The following WAC variants were observed in gnomAD, a reference collection of about 807,000 sequenced individuals.
WAC encodes the protein WW domain containing adaptor with coiled-coil.
In WAC, 11 loss-of-function variants were observed where a neutral mutation model predicts 79.6. The ratio of observed to expected loss-of-function variants is 0.14; its 90% confidence interval spans 0.09 to 0.23. The LOEUF is 0.23. WAC is among the 10% of genes least tolerant of loss of function. The pLI, the probability that WAC is intolerant of heterozygous loss-of-function variation, is 1.00. For missense variants in WAC, 728 were observed against 773.5 expected, an observed-to-expected ratio of 0.94 and a Z score of 0.70; for synonymous variants, 304 against 276.9, an observed-to-expected ratio of 1.10 and a Z score of -0.97.
In WAC at chr10:28,621,496, TGAA is replaced by T. The variant is rs1433156823; in HGVS notation, c.*1893_*1895del. ...GTGTAATTAAAAGGAATTAAAATCTTGAAGATATTTTCCTGTAATTTAAGGATA... is the reference window on the plus strand; with the variant it reads ...GTGTAATTAAAAGGAATTAAAATCTTGATATTTTCCTGTAATTTAAGGATA... On this transcript the variant is annotated 3_prime_UTR_variant, in exon 14 of 14. Transcript: ENST00000354911. 1 of 152,212 alleles carries T rather than the reference TGAA, an allele frequency of 6.6e-6. No homozygotes were observed. The highest frequency in any genetic ancestry group is 1.5e-5 in the Non-Finnish European group (1 of 68,034). 9.4% of individuals were successfully genotyped at this position (152,212 alleles called of 1,614,324 possible). A position where few individuals can be genotyped will look rare whatever the true frequency, so the allele number is the denominator to read the frequency against.
intron 3 of WAC, among the ~76,000 whole-genome samples, chr10:28,577,203 T>C (rs1466615219): frequency 6.6e-6 from 1 of 152,216 alleles, no homozygotes; most frequent in East Asian, 1.9e-4. Flanking sequence ...CAGAATGATA[T>C]TATTATAAAC....
intron 1 of WAC, 89 bp downstream of exon 1, chr10:28,533,709 C>T: frequency 7.4e-7 from 1 of 1,352,078 alleles, no homozygotes; most frequent in Non-Finnish European, 1.0e-6. Context: ...GCCGGGCCGC[C>T]ATTTTTGTTG....
intron 7 of WAC, among the ~76,000 whole-genome samples, chr10:28,603,963 A>G (rs1165353621): frequency 0.053 from 559 of 10,450 alleles, 97 homozygotes; most frequent in African/African-American, 0.13. Context: ...GTATGTATGT[A>G]TATATATATA....
At chr10:28,547,579 C>T (rs889252227) in intron 3 of WAC, among the ~76,000 whole-genome samples, 2 of 150,748 alleles carry the variant, frequency 1.3e-5, no homozygotes, top group African/African-American at 2.4e-5. Context: ...GAATCGTAAT[C>T]TAAGACTTTG....
rs1221846477 is a variant in WAC, at chr10:28,620,199, A to G, written c.*593A>G. Reference sequence around the variant, plus strand: ...CCCGTGTGTTTCCATTTCCTTCTGAAATTCTGATTTTATCCATTTTTTTAA... The same window carrying G: ...CCCGTGTGTTTCCATTTCCTTCTGAGATTCTGATTTTATCCATTTTTTTAA... On this transcript the variant is annotated 3_prime_UTR_variant, in exon 14 of 14. Transcript: ENST00000354911. 2 of 152,556 alleles carry G rather than the reference A, an allele frequency of 1.3e-5. No homozygotes were observed. The highest frequency in any genetic ancestry group is 1.5e-5 in the Non-Finnish European group (1 of 68,018). The allele number at this position is 152,556 out of a possible 1,614,324, so 9.5% of individuals were successfully genotyped here. A position where few individuals can be genotyped will look rare whatever the true frequency, so the allele number is the denominator to read the frequency against.
At chr10:28,580,076 T>G (rs1466049541) in intron 3 of WAC, among the ~76,000 whole-genome samples, 1 of 152,256 alleles carries the variant, frequency 6.6e-6, no homozygotes, top group Non-Finnish European at 1.5e-5. Context: ...CCATAGAATG[T>G]GGAATCTGGT....
chr10:28,597,382 C>A (rs1160417656), intron 7 of WAC, among the ~76,000 whole-genome samples: 3 of 152,156 alleles, frequency 2.0e-5, no homozygotes, highest in African/African-American at 4.8e-5. Flanking sequence ...TTTACTTTAA[C>A]AATCCTTGTC....
intron 1 of WAC, 121 bp from the exon 2 acceptor site, chr10:28,533,877 C>T (rs938253449): frequency 3.4e-5 from 44 of 1,276,712 alleles, no homozygotes; most frequent in Admixed American, 4.5e-5. Context: ...GTGCGGGGCT[C>T]GGCGCTGGGG....
In WAC at chr10:28,590,703, T is replaced by C; in HGVS notation, c.498-17T>C. 6.7e-7 allele frequency: 1 copy of C among 1,489,130 alleles called. No individual in the cohort carries two copies. The highest frequency in any genetic ancestry group is 1.3e-5 in the South Asian group (1 of 77,960). The allele number at this position is 1,489,130 out of a possible 1,614,324, so 92.2% of individuals were successfully genotyped here. On this transcript the variant is annotated splice_polypyrimidine_tract_variant and intron_variant, in intron 5 of 13. Coordinates refer to ENST00000354911, the MANE Select transcript of WAC (RefSeq NM_016628.5). ...TTAATGTAATTTTTATATGTTTATC[T>C]TTTTTTTTATTTTTAGAGAACAGAG... is the stretch of plus-strand genomic sequence containing the variant.
chr10:28,586,552 G>GGT (rs1241733350), intron 4 of WAC, among the ~76,000 whole-genome samples: 3 of 152,088 alleles, frequency 2.0e-5, no homozygotes, highest in Non-Finnish European at 4.4e-5. Context: ...TAAGTGTGGT[G>GGT]GTGTGTTCCT....
intron 3 of WAC, among the ~76,000 whole-genome samples, chr10:28,566,250 ATTGTGTGTGCACGT>A (rs1448369234): frequency 1.3e-5 from 2 of 152,102 alleles, no homozygotes; most frequent in African/African-American, 4.8e-5. Flanking sequence ...TTAAGTGAGT[ATTGTGTGTGCACGT>A]GTGTGTGTGC....
intron 3 of WAC, among the ~76,000 whole-genome samples, chr10:28,540,725 T>A (rs1836963343): frequency 6.6e-6 from 1 of 152,204 alleles, no homozygotes; most frequent in Admixed American, 6.5e-5. Context: ...ATGACCTTTT[T>A]TCATTGATTT....
At chr10:28,548,114 G>A (rs571812490) in intron 3 of WAC, among the ~76,000 whole-genome samples, 1 of 151,542 alleles carries the variant, frequency 6.6e-6, no homozygotes, top group African/African-American at 2.4e-5. Flanking sequence ...GTAGAAACAG[G>A]GTTTTACCAT....
At chr10:28,572,271 A>T (rs1669967363) in intron 3 of WAC, among the ~76,000 whole-genome samples, 1 of 145,662 alleles carries the variant, frequency 6.9e-6, no homozygotes, top group African/African-American at 2.6e-5. Context: ...TGGGCAGCAG[A>T]TTTTGCAGTG....
intron 7 of WAC, among the ~76,000 whole-genome samples, chr10:28,605,731 G>A (rs1840909167): frequency 6.6e-6 from 1 of 151,944 alleles, no homozygotes; most frequent in Non-Finnish European, 1.5e-5. Flanking sequence ...AAGCCCTTCT[G>A]CTAATTTTCA....
rs1394663590 is a variant in WAC, at chr10:28,620,874, A to C, written c.*1268A>C. 1 of 152,226 alleles carries C rather than the reference A, an allele frequency of 6.6e-6. No homozygotes were observed. Among genetic ancestry groups the C allele is most frequent in the Non-Finnish European group, 1.5e-5 (1 of 68,040 alleles). The allele number at this position is 152,226 out of a possible 1,614,324, so 9.4% of individuals were successfully genotyped here. A position where few individuals can be genotyped will look rare whatever the true frequency, so the allele number is the denominator to read the frequency against. ...CTGACTGCTGTTCTTAGCCATCACA[A>C]AACGCTAAATTTGTGTAATTGGAGC... On this transcript the variant is annotated 3_prime_UTR_variant, in exon 14 of 14. Coordinates refer to ENST00000354911, the MANE Select transcript of WAC (RefSeq NM_016628.5).
In WAC at chr10:28,610,746, A is replaced by G; in HGVS notation, c.1213A>G (p.Lys405Glu). 6.2e-7 allele frequency: 1 copy of G among 1,612,660 alleles called. No individual in the cohort carries two copies. The highest frequency in any genetic ancestry group is 1.7e-5 in the Admixed American group (1 of 59,880). Residue 405 changes from lysine to glutamate, a missense_variant, in exon 9 of 14, where the codon AAG becomes GAG. Around this residue, in one of 3 missense-constraint regions of WAC, gnomAD observed 648 missense variants for 661.5 expected, o/e 0.98. Transcript: ENST00000354911. ...AGCCTCACTGCAGTCTATAATTCAT[A>G]AGTTTCTTACTGCTGGACCATCTGC... ...TQASLQSIIHKFLTAGPSAFN... is the reference protein window; with the variant it reads ...TQASLQSIIHEFLTAGPSAFN...
intron 3 of WAC, among the ~76,000 whole-genome samples, chr10:28,544,396 A>G (rs1266294139): frequency 6.6e-6 from 1 of 152,176 alleles, no homozygotes; most frequent in African/African-American, 2.4e-5. Context: ...GTTTTGGTTC[A>G]GGCACTCGCT....
chr10:28,578,171 C>T (rs1014091220), intron 3 of WAC, among the ~76,000 whole-genome samples: 4 of 151,710 alleles, frequency 2.6e-5, no homozygotes, highest in Non-Finnish European at 4.4e-5. Flanking sequence ...CAAAACAAAA[C>T]AAAAAAATTT....
Sources: gnomAD v4.1 joint callset for allele counts (sites outside exome capture counted in the v4.1 genomes callset) on GRCh38, gnomAD v4.1.1 for gene constraint, gnomAD v4.1.1 regional missense constraint, MANE v1.5 for transcripts, NCBI Gene and HGNC (gene_info 2026-07-23, HGNC 2026-07-21) for gene names.